USH2A: variants seen among roughly 807,000 people sequenced by gnomAD.
The protein encoded by USH2A is usherin, also known as Usher syndrome 2A (autosomal recessive, mild).
A neutral mutation model predicts 538.9 loss-of-function variants in USH2A; 443 were observed. The ratio of observed to expected loss-of-function variants is 0.82; its 90% confidence interval spans 0.76 to 0.89. The LOEUF is 0.89. Among genes scored for constraint, USH2A ranks in the 40% least tolerant of loss-of-function variants. The probability of loss-of-function intolerance (pLI) is 0.00; values close to 1 mark genes in which losing one functional copy is unlikely to be tolerated. For synonymous variants in USH2A, 2,413 were observed against 2,273.5 expected (o/e 1.06, Z -1.75); for missense variants, 6,633 against 6,324.8 (o/e 1.05, Z -1.65).
chr1:216,238,760 C>T (rs1325701430), intron 13 of USH2A, among the ~76,000 whole-genome samples: 1 of 152,078 alleles, frequency 6.6e-6, no homozygotes, highest in South Asian at 2.1e-4. Flanking sequence ...GAAAGTGGGA[C>T]AAGAATCTAT....
intron 33 of USH2A, among the ~76,000 whole-genome samples, chr1:216,000,058 TC>T (rs1668230031): frequency 6.6e-6 from 1 of 152,204 alleles, no homozygotes; most frequent in Admixed American, 6.5e-5. Context: ...AATAAGAAGG[TC>T]CTGGACTATA....
intron 49 of USH2A, among the ~76,000 whole-genome samples, chr1:215,805,370 CTAGAG>C (rs1444412335): frequency 6.6e-6 from 1 of 151,810 alleles, no homozygotes; most frequent in African/African-American, 2.4e-5. Context: ...TATTAGGTAC[CTAGAG>C]TAGTCAAATT....
intron 21 of USH2A, among the ~76,000 whole-genome samples, chr1:216,119,774 T>A (rs970472223): frequency 6.6e-6 from 1 of 152,158 alleles, no homozygotes; most frequent in African/African-American, 2.4e-5. Flanking sequence ...ACAGTTGTGA[T>A]ACAAACCATT....
chr1:216,312,721 G>A (rs1237458522), intron 9 of USH2A, among the ~76,000 whole-genome samples: 1 of 152,080 alleles, frequency 6.6e-6, no homozygotes, highest in Non-Finnish European at 1.5e-5. Flanking sequence ...AGCCTTTAGT[G>A]TATTCATCAG....
Position 215,647,687 on chromosome 1 carries a change from G to A in USH2A, c.14626C>T (p.Leu4876Phe). The A allele has an allele frequency of 6.2e-7, 1 of 1,614,214 alleles. No individual in the cohort carries two copies. The highest frequency in any genetic ancestry group is 8.5e-7 in the Non-Finnish European group (1 of 1,180,048). The change falls in exon 67 of 72, where the codon CTC becomes TTC. Residue 4876 changes from leucine (L) to phenylalanine (F), a missense_variant. Physicochemically the swap from Leu to Phe is conservative, Grantham distance 22 (BLOSUM62 0). Coordinates refer to ENST00000307340, the MANE Select transcript of USH2A (RefSeq NM_206933.4). ...FHVACPPDSA[L>F]PCTPSQIETK... ...TCTATTTGGCTGGGAGTACAGGGGA[G>A]GGCTGAGTCAGGAGGGCAAGCCACG...
intron 9 of USH2A, among the ~76,000 whole-genome samples, chr1:216,300,433 T>G (rs967045762): frequency 6.6e-6 from 1 of 152,196 alleles, no homozygotes; most frequent in African/African-American, 2.4e-5. Context: ...TACCACTGAT[T>G]CATTTAACTG....
At position 216,238,982 on chromosome 1, in the gene USH2A, G is replaced by A. The variant is rs1182736576; in HGVS notation, c.2810-6846C>T. Among the ~76,000 whole-genome samples, 4 of 151,946 alleles carry A rather than the reference G, an allele frequency of 2.6e-5. No homozygotes were observed. In the East Asian group the frequency reaches 7.7e-4, roughly 29 times the overall value. On this transcript the variant is annotated intron_variant, in intron 13 of 71. Transcript: ENST00000307340. ...TAAATGAAAGCTTCAGATTGTAGCA[G>A]CACATTTTACTGTGCACATTGCAGG...
intron 36 of USH2A, among the ~76,000 whole-genome samples, 167 bp downstream of exon 36, chr1:215,970,458 A>G (rs536341455): frequency 5.3e-5 from 8 of 152,274 alleles, no homozygotes; most frequent in Admixed American, 3.3e-4. Flanking sequence ...TATGTCGAAT[A>G]TAAAATCTTA....
intron 58 of USH2A, among the ~76,000 whole-genome samples, chr1:215,752,140 G>A (rs1660641269): frequency 6.6e-6 from 1 of 152,046 alleles, no homozygotes; most frequent in African/African-American, 2.4e-5. Context: ...AGTTAATGTA[G>A]ACGAAGGATG....
rs373403964 is a variant in USH2A at position 215,634,426 on chromosome 1, T to C, written c.15297+33A>G. ...GAAAACAAGTATTCTAGTCCAGTGA[T>C]AGGGAAATGGGGCCACACCTCTACA... On this transcript the variant is annotated intron_variant, in intron 70 of 71. Transcript: ENST00000307340. 19 of 1,614,058 alleles carry C rather than the reference T, an allele frequency of 1.2e-5. No homozygotes were observed. In the Admixed American group the frequency reaches 1.3e-4, roughly 11 times the overall value.
At position 215,772,521 on chromosome 1, in the gene USH2A, A is replaced by C. The variant is rs539958330; in HGVS notation, c.10940-5733T>G. On this transcript the variant is annotated intron_variant, in intron 55 of 71. Transcript: ENST00000307340. ...ATATAACCAAACTCATTACAATTAC[A>C]CTTCCAAGTAACATTACTTTGAAGA... 1.3e-4 allele frequency among the ~76,000 whole-genome samples: 20 copies of C among 152,284 alleles called. No individual in the cohort carries two copies. In the East Asian group the frequency reaches 3.5e-3, roughly 26 times the overall value.
intron 64 of USH2A, among the ~76,000 whole-genome samples, chr1:215,658,832 CAAT>C (rs1302380520): frequency 2.0e-5 from 3 of 152,208 alleles, no homozygotes; most frequent in Admixed American, 2.0e-4. Flanking sequence ...ATGTTCTCTG[CAAT>C]AATAACTATA....
At chr1:216,089,893 C>T (rs1286302789) in intron 22 of USH2A, among the ~76,000 whole-genome samples, 2 of 151,636 alleles carry the variant, frequency 1.3e-5, no homozygotes, top group East Asian at 3.9e-4. Flanking sequence ...AAACAATTTT[C>T]CAGTATGTTA....
chr1:216,412,782 G>T (rs2039511347), intron 3 of USH2A, among the ~76,000 whole-genome samples: 1 of 151,666 alleles, frequency 6.6e-6, no homozygotes, highest in African/African-American at 2.4e-5. Context: ...TTCATGGCAA[G>T]TTATTACTTT....
At chr1:215,887,081 T>C (rs1216230631) in intron 41 of USH2A, among the ~76,000 whole-genome samples, 2 of 152,214 alleles carry the variant, frequency 1.3e-5, no homozygotes, top group East Asian at 3.9e-4. Flanking sequence ...ATGGTCTCGA[T>C]CTCCTGACCT....
chr1:216,338,336 T>C (rs773896302), intron 4 of USH2A, among the ~76,000 whole-genome samples: 1 of 151,364 alleles, frequency 6.6e-6, no homozygotes, highest in Non-Finnish European at 1.5e-5. Flanking sequence ...TGAGATACAG[T>C]AGAGGTGGCT....
At chr1:216,178,119 T>A (rs1213595742) in intron 20 of USH2A, among the ~76,000 whole-genome samples, 1 of 152,174 alleles carries the variant, frequency 6.6e-6, no homozygotes, top group African/African-American at 2.4e-5. Context: ...TTCGGCCAGC[T>A]TTTCAAAAAG....
intron 30 of USH2A, among the ~76,000 whole-genome samples, chr1:216,065,375 A>G (rs2031318948): frequency 6.6e-6 from 1 of 152,186 alleles, no homozygotes; most frequent in Non-Finnish European, 1.5e-5. Flanking sequence ...ATCAACCCTA[A>G]ATGGGGAATA....
chr1:215,766,692 G>A lies in USH2A; in HGVS notation c.11036C>T (p.Ala3679Val), dbSNP rs772029696. 6.2e-7 allele frequency: 1 copy of A among 1,613,442 alleles called. No individual in the cohort carries two copies. Among genetic ancestry groups the A allele is most frequent in the South Asian group, 1.1e-5 (1 of 91,070 alleles). Residue 3679 changes from alanine (A) to valine (V), a missense_variant, in exon 56 of 72, where the codon GCA becomes GTA. Ala to Val is a moderately conservative substitution (Grantham distance 64, BLOSUM62 0). Transcript: ENST00000307340. ...TATTGTTTCATTACCTTCAGGAGCT[G>A]CCTGCAGTGTCTGACCTAGAAAAGG... The part of the protein sequence containing the change: ...SEPFLGQTLQ[A>V]APEGVWVTPR...
Sources: gnomAD v4.1 joint callset for allele counts (sites outside exome capture counted in the v4.1 genomes callset) on GRCh38, gnomAD v4.1.1 for gene constraint, MANE v1.5 for transcripts, NCBI Gene and HGNC (gene_info 2026-07-23, HGNC 2026-07-21) for gene names.